Variants in DLG2 observed in about 807,000 individuals in gnomAD.
DLG2 encodes the protein disks large homolog 2.
In DLG2, 45 loss-of-function variants were observed where a neutral mutation model predicts 132.5. The ratio of observed to expected loss-of-function variants is 0.34; its 90% CI spans 0.27 to 0.44. The LOEUF is 0.44. Among genes scored for constraint, DLG2 ranks in the 20% least tolerant of loss-of-function variants. DLG2 has a pLI of 1.00. For synonymous variants in DLG2, 424 were observed against 419.6 expected (o/e 1.01, Z -0.13); for missense variants, 1,045 against 1,196.9 (o/e 0.87, Z 1.87).
At chr11:85,116,514 G>A (rs952174434) in intron 5 of DLG2, among the ~76,000 whole-genome samples, 2 of 151,924 alleles carry the variant, frequency 1.3e-5, no homozygotes, top group Non-Finnish European at 2.9e-5. Flanking sequence ...TATGATTTAT[G>A]TGTGTGTATA....
intron 3 of DLG2, among the ~76,000 whole-genome samples, chr11:85,343,756 T>C (rs1275152790): frequency 6.6e-6 from 1 of 152,130 alleles, no homozygotes; most frequent in Non-Finnish European, 1.5e-5. Context: ...AGGCGGAACC[T>C]GATAGAGCAG....
rs115063572 is a variant in DLG2 at position 83,955,354 on chromosome 11, C to T, written c.1340+7531G>A. On this transcript the variant is annotated intron_variant, in intron 14 of 27. Coordinates refer to ENST00000376104, the MANE Select transcript of DLG2 (RefSeq NM_001142699.3). ...TGTTATTCTACTGTAATTCTAAAGC[C>T]GGGTCAGTTGCCTGCTTAGGGTACT... Among the ~76,000 whole-genome samples, 745 of 151,500 alleles carry T rather than the reference C, an allele frequency of 4.9e-3. 11 individuals are homozygous for T. The highest frequency in any genetic ancestry group is 0.04 in the South Asian group (194 of 4,828).
intron 9 of DLG2, among the ~76,000 whole-genome samples, chr11:84,121,120 T>C (rs1566592138): frequency 6.6e-6 from 1 of 152,232 alleles, no homozygotes; most frequent in Non-Finnish European, 1.5e-5. Context: ...GCTGGATATA[T>C]ACGGTGAACA....
intron 4 of DLG2, among the ~76,000 whole-genome samples, chr11:85,184,278 T>C (rs2079932055): frequency 6.6e-6 from 1 of 151,602 alleles, no homozygotes; most frequent in African/African-American, 2.4e-5. Flanking sequence ...AAAACAAACT[T>C]ATGCATAGCC....
intron 17 of DLG2, among the ~76,000 whole-genome samples, chr11:83,828,456 T>C (rs1425977379): frequency 6.6e-6 from 1 of 152,228 alleles, no homozygotes; most frequent in African/African-American, 2.4e-5. Flanking sequence ...TTACTCCTTA[T>C]GTAAGGGTTT....
chr11:83,831,154 T>G (rs2054385606), intron 17 of DLG2, among the ~76,000 whole-genome samples: 1 of 152,210 alleles, frequency 6.6e-6, no homozygotes, highest in Non-Finnish European at 1.5e-5. Context: ...ATAGAGAATT[T>G]GCTTTCAGAG....
chr11:84,239,930 C>T (rs1567033157), intron 8 of DLG2, among the ~76,000 whole-genome samples: 1 of 152,214 alleles, frequency 6.6e-6, no homozygotes, highest in Non-Finnish European at 1.5e-5. Flanking sequence ...GCTGCTTCTC[C>T]CCAATATTCA....
intron 6 of DLG2, among the ~76,000 whole-genome samples, chr11:84,723,405 T>C (rs2062054084): frequency 6.6e-6 from 1 of 152,204 alleles, no homozygotes; most frequent in Non-Finnish European, 1.5e-5. Context: ...TATGTTTAAC[T>C]TTAATCAGTG....
chr11:84,851,386 C>T (rs1476145464), intron 6 of DLG2, among the ~76,000 whole-genome samples: 1 of 152,038 alleles, frequency 6.6e-6, no homozygotes, highest in Non-Finnish European at 1.5e-5. Flanking sequence ...TACAGTGAGC[C>T]TGGCTCTGGT....
Position 83,682,370 on chromosome 11 carries a change from C to CAGCA in DLG2, c.1826-49049_1826-49046dup, listed in dbSNP as rs1395979321. On this transcript the variant is annotated intron_variant, in intron 18 of 27. Coordinates refer to ENST00000376104, the MANE Select transcript of DLG2 (RefSeq NM_001142699.3). The stretch of plus-strand genomic sequence containing the variant: ...TTTTACATCACAGGGGGTGACCATG[C>CAGCA]AGCATTCTCGCTCACTGGGTACATA... 3.0e-6 allele frequency: 3 copies of CAGCA among 985,260 alleles called. No homozygotes were observed. In the African/African-American group the frequency reaches 5.2e-5, roughly 17 times the overall value. 61.0% of individuals were successfully genotyped at this position (985,260 alleles called of 1,614,324 possible). A position where few individuals can be genotyped will look rare whatever the true frequency, so the allele number is the denominator to read the frequency against.
At chr11:85,467,031 T>C (rs1206251236) in intron 3 of DLG2, among the ~76,000 whole-genome samples, 2 of 152,236 alleles carry the variant, frequency 1.3e-5, no homozygotes, top group East Asian at 1.9e-4. Flanking sequence ...TTCAAATCCC[T>C]TGTAAGTTGG....
intron 8 of DLG2, among the ~76,000 whole-genome samples, chr11:84,245,415 A>G (rs1328249833): frequency 6.6e-6 from 1 of 152,172 alleles, no homozygotes; most frequent in Non-Finnish European, 1.5e-5. Flanking sequence ...GCCAAATCCA[A>G]TGGGGGATAT....
intron 6 of DLG2, among the ~76,000 whole-genome samples, chr11:84,577,043 A>G (rs754844400): frequency 6.6e-6 from 1 of 152,116 alleles, no homozygotes; most frequent in Non-Finnish European, 1.5e-5. Context: ...GTAAAGTCTC[A>G]AGAAATCTGA....
At chr11:83,742,799 T>C (rs1235861470) in intron 18 of DLG2, among the ~76,000 whole-genome samples, 1 of 152,182 alleles carries the variant, frequency 6.6e-6, no homozygotes, top group Non-Finnish European at 1.5e-5. Flanking sequence ...TGTCTTGAGA[T>C]TAAAGTTTCC....
chr11:83,506,397 A>G (rs1054336549), intron 21 of DLG2, among the ~76,000 whole-genome samples: 1 of 151,978 alleles, frequency 6.6e-6, no homozygotes, highest in Non-Finnish European at 1.5e-5. Flanking sequence ...TGTTCTCCAG[A>G]TTTATGTTTA....
At chr11:83,503,437 G>GAA (rs2094549515) in intron 21 of DLG2, among the ~76,000 whole-genome samples, 1 of 81,254 alleles carries the variant, frequency 1.2e-5, no homozygotes, top group Non-Finnish European at 2.7e-5. Context: ...AGATCTAATA[G>GAA]GATATATATA....
intron 3 of DLG2, among the ~76,000 whole-genome samples, chr11:85,354,913 T>C (rs993462779): frequency 6.6e-6 from 1 of 152,110 alleles, no homozygotes; most frequent in African/African-American, 2.4e-5. Flanking sequence ...GTCTCTTCGT[T>C]TCATAAATTA....
At chr11:85,399,094 A>C (rs2152959426) in intron 3 of DLG2, among the ~76,000 whole-genome samples, 1 of 152,278 alleles carries the variant, frequency 6.6e-6, no homozygotes, top group East Asian at 1.9e-4. Context: ...TCAGGATACA[A>C]AATCAATGTG....
rs528360193 is a variant in DLG2 at position 83,983,934 on chromosome 11, A to C, written c.920-3292T>G. 5.9e-5 allele frequency among the ~76,000 whole-genome samples: 9 copies of C among 152,244 alleles called. No homozygotes were observed. In the East Asian group the frequency reaches 1.7e-3, roughly 29 times the overall value. ...AGTTTCTTAGCCACGTGCTAAGGTC[A>C]ATCTACCATATTTATAAAAGTACAG... is the stretch of plus-strand genomic sequence containing the variant. On this transcript the variant is annotated intron_variant, in intron 11 of 27. Transcript: ENST00000376104.
Sources: gnomAD v4.1 joint callset for allele counts (sites outside exome capture counted in the v4.1 genomes callset) on GRCh38, gnomAD v4.1.1 for gene constraint, MANE v1.5 for transcripts, NCBI Gene and HGNC (gene_info 2026-07-23, HGNC 2026-07-21) for gene names.